Variants in GALNT9 observed in about 807,000 individuals in gnomAD.
The protein encoded by GALNT9 is polypeptide N-acetylgalactosaminyltransferase 9, also known as GalNAc transferase 9.
In GALNT9, 47 loss-of-function variants were observed where a neutral mutation model predicts 63.1. The observed-to-expected ratio is 0.75, with a 90% CI of 0.59 to 0.95. GALNT9 has a LOEUF of 0.95. Among genes scored for constraint, GALNT9 ranks in the 40% least tolerant of loss-of-function variants. The pLI is 0.00. For missense variants in GALNT9, 829 were observed against 874.8 expected (o/e 0.95, Z 0.66); for synonymous variants, 396 against 365.7 (o/e 1.08, Z -0.94).
chr12:132,221,981 A>C (rs1467152466), intron 6 of GALNT9, among the ~76,000 whole-genome samples: 1 of 152,176 alleles, frequency 6.6e-6, no homozygotes, highest in Admixed American at 6.5e-5. Flanking sequence ...CTATTTTATA[A>C]ATAATTGTAT....
intron 5 of GALNT9, among the ~76,000 whole-genome samples, chr12:132,249,000 C>T (rs1755261529): frequency 1.3e-5 from 2 of 152,160 alleles, no homozygotes; most frequent in Non-Finnish European, 2.9e-5. Flanking sequence ...TTGTGGGCCA[C>T]GCGACGTGCG....
At chr12:132,273,169 C>G (rs1879931816) in intron 2 of GALNT9, 1 of 152,398 alleles carries the variant, frequency 6.6e-6, no homozygotes, top group Non-Finnish European at 1.5e-5. Context: ...GTTGCCCAGG[C>G]CGGAGTGCAG....
intron 1 of GALNT9, among the ~76,000 whole-genome samples, chr12:132,313,386 C>A (rs1328300020): frequency 6.6e-6 from 1 of 150,610 alleles, no homozygotes; most frequent in East Asian, 2.0e-4. Context: ...TCCACTCACT[C>A]ACTCACCCAT....
intron 1 of GALNT9, among the ~76,000 whole-genome samples, chr12:132,295,814 C>T (rs1057502078): frequency 6.7e-6 from 1 of 149,992 alleles, no homozygotes; most frequent in Non-Finnish European, 1.5e-5. Context: ...GCCTCCGGAA[C>T]AGGGAGAGCC....
intron 5 of GALNT9, 47 bp downstream of exon 5, chr12:132,257,642 C>G: frequency 6.9e-7 from 1 of 1,457,254 alleles, no homozygotes; most frequent in Non-Finnish European, 9.3e-7. Flanking sequence ...CTCTGCTCCG[C>G]TCCTTGCCGG....
chr12:132,261,214 G>A (rs1177249162), intron 3 of GALNT9, 92 bp from the exon 4 acceptor site: 1 of 1,521,430 alleles, frequency 6.6e-7, no homozygotes, highest in African/African-American at 1.4e-5. Context: ...TGCCGCGTGT[G>A]GGATGGGTGT....
At chr12:132,250,098 G>A (rs1166733096) in intron 5 of GALNT9, among the ~76,000 whole-genome samples, 17 of 152,250 alleles carry the variant, frequency 1.1e-4, no homozygotes, top group African/African-American at 4.1e-4. Flanking sequence ...GCTGTGGACC[G>A]CAATTCTGCA....
chr12:132,215,947 T>TAC (rs1245752809), intron 6 of GALNT9, among the ~76,000 whole-genome samples: 2 of 152,054 alleles, frequency 1.3e-5, no homozygotes, highest in East Asian at 3.9e-4. Flanking sequence ...CAATCCCCTG[T>TAC]CCAGGACTCA....
chr12:132,204,382 G>A (rs1876486856), intron 6 of GALNT9, among the ~76,000 whole-genome samples: 3 of 152,278 alleles, frequency 2.0e-5, no homozygotes, highest in South Asian at 4.1e-4. Context: ...GGAACAGGGT[G>A]CTGGGACGTT....
At chr12:132,220,827 C>T (rs1877414494) in intron 6 of GALNT9, among the ~76,000 whole-genome samples, 1 of 152,154 alleles carries the variant, frequency 6.6e-6, no homozygotes, top group Non-Finnish European at 1.5e-5. Context: ...GAGGCCAAGG[C>T]AGGTGGATCA....
At chr12:132,225,055 TACAC>T (rs1877597948) in intron 6 of GALNT9, among the ~76,000 whole-genome samples, 1 of 70,464 alleles carries the variant, frequency 1.4e-5, no homozygotes, top group Non-Finnish European at 2.6e-5. Flanking sequence ...ACACACTACA[TACAC>T]ACCACCCCCC....
Position 132,313,159 on chromosome 12 carries a change from A to C in GALNT9, c.238+15807T>G, listed in dbSNP as rs369773046. Among the ~76,000 whole-genome samples, 412 of 120,492 alleles carry C rather than the reference A, an allele frequency of 3.4e-3. 4 individuals carry two copies. The highest frequency in any genetic ancestry group is 0.012 in the African/African-American group (363 of 30,410). The allele number at this position is 120,492 out of a possible 152,430, so 79.0% of individuals were successfully genotyped here. A position where few individuals can be genotyped will look rare whatever the true frequency, so the allele number is the denominator to read the frequency against. On this transcript the variant is annotated intron_variant, in intron 1 of 10. Coordinates refer to ENST00000328957, the MANE Select transcript of GALNT9 (RefSeq NM_001122636.2). ...TCTCCACCTACCTACCCACTCACCC[A>C]CCCATCCATCCACCCACCCACCCAT...
intron 4 of GALNT9, among the ~76,000 whole-genome samples, chr12:132,260,494 C>T (rs963331041): frequency 3.9e-5 from 6 of 152,230 alleles, no homozygotes; most frequent in Non-Finnish European, 5.9e-5. Context: ...CTCGGGGGCA[C>T]TCGTGGCCAT....
intron 6 of GALNT9, among the ~76,000 whole-genome samples, chr12:132,214,057 G>T (rs1447653159): frequency 6.6e-6 from 1 of 152,184 alleles, no homozygotes; most frequent in Non-Finnish European, 1.5e-5. Context: ...GGGCCCCTCA[G>T]TCCTCCCAGG....
chr12:132,239,509 C>T (rs1056404448), intron 6 of GALNT9, among the ~76,000 whole-genome samples: 2 of 142,180 alleles, frequency 1.4e-5, no homozygotes, highest in African/African-American at 2.7e-5. Flanking sequence ...GAGAGAGACA[C>T]ACACACTGAG....
rs890951647 is a variant in GALNT9, at chr12:132,211,613, T to C, written c.1078-7923A>G. Among the ~76,000 whole-genome samples, 4 of 152,190 alleles carry C rather than the reference T, an allele frequency of 2.6e-5. No individual in the cohort carries two copies. In the South Asian group the frequency reaches 8.3e-4, roughly 32 times the overall value. On this transcript the variant is annotated intron_variant, in intron 6 of 10. Transcript: ENST00000328957. ...CTCTCTCGTCCACCTGGCCATTCTG[T>C]GTCCCTCATCCTCTGTCTCCACCGT...
chr12:132,298,655 C>T (rs28729765), intron 1 of GALNT9, among the ~76,000 whole-genome samples: 23,130 of 146,744 alleles, frequency 0.16, 1,525 homozygotes, highest in African/African-American at 0.23. Flanking sequence ...TAACTCACTC[C>T]CATAACTAAC....
At chr12:132,251,154 C>T (rs149043368) in intron 5 of GALNT9, among the ~76,000 whole-genome samples, 4,815 of 152,306 alleles carry the variant, frequency 0.032, 121 homozygotes, top group South Asian at 0.083. Context: ...GAGCCACAAA[C>T]GCATGGAAAC....
At position 132,212,037 on chromosome 12, in the gene GALNT9, C is replaced by G. The variant is rs763851173; in HGVS notation, c.1078-8347G>C. On this transcript the variant is annotated intron_variant, in intron 6 of 10. Transcript: ENST00000328957. ...CACTCCGCATGGCAGCGGACGTGCA[C>G]GCAGGCAGGCCCCACCCAGCCAGGC... Among the ~76,000 whole-genome samples, 3 of 152,302 alleles carry G rather than the reference C, an allele frequency of 2.0e-5. No homozygotes were observed. In the South Asian group the frequency reaches 6.2e-4, roughly 32 times the overall value.
Sources: gnomAD v4.1 joint callset for allele counts (sites outside exome capture counted in the v4.1 genomes callset) on GRCh38, gnomAD v4.1.1 for gene constraint, MANE v1.5 for transcripts, NCBI Gene and HGNC (gene_info 2026-07-23, HGNC 2026-07-21) for gene names.